OR9Q1: variants seen among roughly 807,000 people sequenced by gnomAD.
OR9Q1 encodes olfactory receptor 9Q1.
For synonymous variants in OR9Q1, 153 were observed against 148.6 expected, an observed-to-expected ratio of 1.03 and a Z score of -0.22; for missense variants, 374 against 378.8, an observed-to-expected ratio of 0.99 and a Z score of 0.11.
chr11:58,053,629 A>ATT (rs1314383139), intron 1 of OR9Q1, among the ~76,000 whole-genome samples: 50,956 of 95,406 alleles, frequency 0.53, 11,794 homozygotes, highest in African/African-American at 0.64. Context: ...ATATATATAA[A>ATT]ATATATATAT....
intron 2 of OR9Q1, 115 bp from the exon 3 acceptor site, chr11:58,179,316 A>T: frequency 1.5e-6 from 1 of 652,924 alleles, no homozygotes; most frequent in Non-Finnish European, 2.6e-6. Flanking sequence ...GAGCCACAGC[A>T]CCTGGCACAC....
chr11:58,066,960 C>T (rs777429758), intron 2 of OR9Q1, among the ~76,000 whole-genome samples: 4 of 152,066 alleles, frequency 2.6e-5, no homozygotes, highest in South Asian at 2.1e-4. Context: ...TGCTGTCCAT[C>T]GTGTCCACAG....
chr11:58,100,706 G>A (rs949884081), intron 2 of OR9Q1, among the ~76,000 whole-genome samples: 1 of 151,598 alleles, frequency 6.6e-6, no homozygotes, highest in African/African-American at 2.4e-5. Flanking sequence ...ATCTGAAGAT[G>A]TCTATTTAGA....
chr11:58,132,094 A>G (rs571768795), intron 2 of OR9Q1, among the ~76,000 whole-genome samples: 28 of 152,216 alleles, frequency 1.8e-4, no homozygotes, highest in African/African-American at 4.3e-4. Flanking sequence ...TAGAAGTGAT[A>G]TAACTCACTT....
At chr11:58,163,974 T>A (rs964234873) in intron 2 of OR9Q1, among the ~76,000 whole-genome samples, 3 of 152,194 alleles carry the variant, frequency 2.0e-5, no homozygotes, top group Non-Finnish European at 2.9e-5. Flanking sequence ...TTTTCCTACA[T>A]GAAAGGGGCT....
chr11:58,036,456 A>G (rs1159330148), intron 1 of OR9Q1, among the ~76,000 whole-genome samples: 1 of 152,162 alleles, frequency 6.6e-6, no homozygotes, highest in African/African-American at 2.4e-5. Context: ...GTAGTTTTTG[A>G]TTTCAAGTCT....
intron 2 of OR9Q1, among the ~76,000 whole-genome samples, chr11:58,070,972 G>T (rs1344555769): frequency 2.0e-5 from 3 of 152,216 alleles, no homozygotes; most frequent in Non-Finnish European, 2.9e-5. Context: ...GAAGTCATGG[G>T]TTGATCTTGT....
At chr11:58,069,608 T>G (rs921748727) in intron 2 of OR9Q1, among the ~76,000 whole-genome samples, 1 of 152,188 alleles carries the variant, frequency 6.6e-6, no homozygotes, top group Non-Finnish European at 1.5e-5. Flanking sequence ...GCGCCATGGC[T>G]CATGCTTATA....
chr11:58,124,168 A>C (rs1036678871), intron 2 of OR9Q1, among the ~76,000 whole-genome samples: 1 of 152,134 alleles, frequency 6.6e-6, no homozygotes, highest in Non-Finnish European at 1.5e-5. Context: ...TTGGGGTACC[A>C]TCAGCTTGGG....
chr11:58,037,843 C>T (rs1433961030), intron 1 of OR9Q1, among the ~76,000 whole-genome samples: 8 of 144,560 alleles, frequency 5.5e-5, no homozygotes, highest in South Asian at 2.2e-4. Context: ...CTCAGCCTCC[C>T]GAGTAGCTGG....
chr11:58,025,415 T>C (rs910230523), intron 1 of OR9Q1, among the ~76,000 whole-genome samples: 3 of 152,220 alleles, frequency 2.0e-5, no homozygotes, highest in Non-Finnish European at 2.9e-5. Flanking sequence ...TTGGCCAGGA[T>C]GGTCTTGATT....
chr11:58,133,898 A>C (rs1439626027), intron 2 of OR9Q1, among the ~76,000 whole-genome samples: 1 of 148,406 alleles, frequency 6.7e-6, no homozygotes, highest in Non-Finnish European at 1.5e-5. Context: ...TCATAGGTGT[A>C]ATTGGTCAGA....
Position 58,130,432 on chromosome 11 carries a change from C to T in OR9Q1, c.-14-48999C>T, listed in dbSNP as rs572596037. On this transcript the variant is annotated intron_variant, in intron 2 of 2. Transcript: ENST00000335397. ...GATGGCAAACATTTCCCTTCCTACA[C>T]TGGAGTGCTGGGGAGCATCTTGAAG... Among the ~76,000 whole-genome samples, 3 of 152,224 alleles carry T rather than the reference C, an allele frequency of 2.0e-5. No homozygotes were observed. In the South Asian group the frequency reaches 6.2e-4, roughly 32 times the overall value.
At chr11:58,027,059 G>A (rs1852982744) in intron 1 of OR9Q1, among the ~76,000 whole-genome samples, 1 of 152,142 alleles carries the variant, frequency 6.6e-6, no homozygotes, top group South Asian at 2.1e-4. Flanking sequence ...TAGATTTTGG[G>A]TTTCTGATTT....
intron 2 of OR9Q1, among the ~76,000 whole-genome samples, chr11:58,096,189 G>T (rs1853729609): frequency 1.5e-5 from 2 of 137,078 alleles, no homozygotes; most frequent in African/African-American, 2.7e-5. Context: ...ACCAAATACA[G>T]GTTTTCTGTT....
At chr11:58,080,652 T>C (rs1163752841) in intron 2 of OR9Q1, among the ~76,000 whole-genome samples, 1 of 152,172 alleles carries the variant, frequency 6.6e-6, no homozygotes, top group African/African-American at 2.4e-5. Context: ...CCGGCATTTG[T>C]TGTTTTTTGA....
chr11:58,133,199 TA>T (rs988991766), intron 2 of OR9Q1, among the ~76,000 whole-genome samples: 4 of 152,174 alleles, frequency 2.6e-5, no homozygotes, highest in African/African-American at 9.6e-5. Context: ...TCCTCTAACA[TA>T]AAATGGGTTT....
chr11:58,033,643 C>A (rs1201245353), intron 1 of OR9Q1, among the ~76,000 whole-genome samples: 1 of 152,046 alleles, frequency 6.6e-6, no homozygotes, highest in Non-Finnish European at 1.5e-5. Flanking sequence ...TGAAAAACTG[C>A]CTGTTGGGTA....
At chr11:58,034,288 C>T (rs1040064521) in intron 1 of OR9Q1, among the ~76,000 whole-genome samples, 6 of 151,712 alleles carry the variant, frequency 4.0e-5, no homozygotes, top group South Asian at 4.2e-4. Flanking sequence ...GAGGCTTCAC[C>T]GTATTAGCCA....
Sources: gnomAD v4.1 joint callset for allele counts (sites outside exome capture counted in the v4.1 genomes callset) on GRCh38, gnomAD v4.1.1 for gene constraint, MANE v1.5 for transcripts, NCBI Gene and HGNC (gene_info 2026-07-23, HGNC 2026-07-21) for gene names.